ROBO1: variants seen among roughly 807,000 people sequenced by gnomAD.
The protein encoded by ROBO1 is roundabout homolog 1.
Under a neutral mutation model 195.9 loss-of-function variants are expected in ROBO1, and 149 were observed. The observed-to-expected ratio is 0.76, with a 90% confidence interval of 0.67 to 0.87. ROBO1 has a LOEUF of 0.87. ROBO1 is among the 40% of genes least tolerant of loss of function. ROBO1 has a pLI of 0.00. For missense variants in ROBO1, 1,933 were observed against 2,068.3 expected, an observed-to-expected ratio of 0.93 and a Z score of 1.27; for synonymous variants, 816 against 733.2, an observed-to-expected ratio of 1.11 and a Z score of -1.82.
At chr3:79,676,147 C>T (rs1433781952) in intron 1 of ROBO1, among the ~76,000 whole-genome samples, 1 of 151,974 alleles carries the variant, frequency 6.6e-6, no homozygotes, top group Non-Finnish European at 1.5e-5. Context: ...CTCCTACAGA[C>T]TAAATCCCAT....
chr3:78,982,888 G>A (rs948406587), intron 3 of ROBO1, among the ~76,000 whole-genome samples: 2 of 152,012 alleles, frequency 1.3e-5, no homozygotes, highest in Admixed American at 1.3e-4. Context: ...CAAAGTGTTG[G>A]GATTACAGGT....
chr3:79,244,630 G>A (rs2082588942), intron 2 of ROBO1, among the ~76,000 whole-genome samples: 1 of 152,064 alleles, frequency 6.6e-6, no homozygotes, highest in African/African-American at 2.4e-5. Context: ...CGGTACACCT[G>A]TGGTTAAAGT....
At chr3:79,015,869 T>C (rs1411250921) in intron 3 of ROBO1, among the ~76,000 whole-genome samples, 2 of 152,116 alleles carry the variant, frequency 1.3e-5, no homozygotes, top group Non-Finnish European at 2.9e-5. Flanking sequence ...AGAAAACTGT[T>C]GGACTTTGTT....
Position 79,058,600 on chromosome 3 carries a change from G to A in ROBO1, c.172+66856C>T, listed in dbSNP as rs6548611. Reference sequence around the variant, plus strand: ...CCTCCAACCTGACTGTTCCCATACAGAGTTGTGTTAAGCCTCCTCACATGC... The same window carrying A: ...CCTCCAACCTGACTGTTCCCATACAAAGTTGTGTTAAGCCTCCTCACATGC... On this transcript the variant is annotated intron_variant, in intron 3 of 30. Transcript: ENST00000464233. 2.1e-3 allele frequency among the ~76,000 whole-genome samples: 315 copies of A among 152,162 alleles called. 2 individuals are homozygous for A. The highest frequency in any genetic ancestry group is 0.01 in the Middle Eastern group (3 of 294).
chr3:79,067,184 T>G (rs1337014827), intron 3 of ROBO1, among the ~76,000 whole-genome samples: 1 of 151,986 alleles, frequency 6.6e-6, no homozygotes, highest in African/African-American at 2.4e-5. Flanking sequence ...TGTCTCATGA[T>G]TTTAAGGAGC....
At chr3:79,133,508 T>C (rs1173973296) in intron 2 of ROBO1, among the ~76,000 whole-genome samples, 2 of 99,878 alleles carry the variant, frequency 2.0e-5, no homozygotes, top group Non-Finnish European at 3.9e-5. Context: ...CTTCACATAG[T>C]TCTCGAGCCT....
rs2083594795 is a variant in ROBO1, at chr3:78,779,163, ATG to A, written c.500-32265_500-32264del. Among the ~76,000 whole-genome samples, 3 of 152,182 alleles carry A rather than the reference ATG, an allele frequency of 2.0e-5. No individual in the cohort carries two copies. The South Asian group carries it at 6.2e-4, about 31-fold the overall frequency. On this transcript the variant is annotated intron_variant, in intron 4 of 30. Transcript: ENST00000464233. ...AAAACCATAAAAACCCTAGAAGAAAATGCAGGCAATACCATTCAGGACATAGG... is the reference window on the plus strand; with the variant it reads ...AAAACCATAAAAACCCTAGAAGAAAACAGGCAATACCATTCAGGACATAGG...
chr3:79,698,917 G>T (rs1281413122), intron 1 of ROBO1, among the ~76,000 whole-genome samples: 4 of 151,062 alleles, frequency 2.6e-5, no homozygotes. Context: ...AGTTTTTTTT[G>T]ACCTCTCTAA....
chr3:79,064,453 CTAA>C (rs1230485451), intron 3 of ROBO1, among the ~76,000 whole-genome samples: 2 of 151,924 alleles, frequency 1.3e-5, no homozygotes, highest in African/African-American at 2.4e-5. Flanking sequence ...ACAAGTCTCT[CTAA>C]TGTTTTTCCT....
intron 1 of ROBO1, among the ~76,000 whole-genome samples, chr3:79,765,315 G>A (rs1036285926): frequency 3.9e-5 from 6 of 152,180 alleles, no homozygotes; most frequent in African/African-American, 1.4e-4. Flanking sequence ...GAGAGGTATA[G>A]GTCCATAAGA....
chr3:79,698,673 C>G (rs1053071110), intron 1 of ROBO1, among the ~76,000 whole-genome samples: 3 of 151,518 alleles, frequency 2.0e-5, no homozygotes, highest in Admixed American at 6.6e-5. Flanking sequence ...TAAGAAGTTA[C>G]TTAATTCAAT....
chr3:78,677,082 A>G (rs1708481560), intron 10 of ROBO1, among the ~76,000 whole-genome samples: 2 of 152,194 alleles, frequency 1.3e-5, no homozygotes, highest in Non-Finnish European at 1.5e-5. Flanking sequence ...ACTAAGCTTC[A>G]TAAGTGAAGG....
chr3:79,573,216 T>C (rs1400155442), intron 2 of ROBO1, among the ~76,000 whole-genome samples: 1 of 151,882 alleles, frequency 6.6e-6, no homozygotes, highest in Non-Finnish European at 1.5e-5. Flanking sequence ...GGCTGGAAAA[T>C]TTTTAAATAT....
intron 2 of ROBO1, among the ~76,000 whole-genome samples, chr3:79,545,917 T>C (rs1942246472): frequency 6.6e-6 from 1 of 152,136 alleles, no homozygotes; most frequent in African/African-American, 2.4e-5. Flanking sequence ...TTGATGAACA[T>C]GGGTTTGAAT....
At chr3:79,724,283 T>C (rs1007229758) in intron 1 of ROBO1, among the ~76,000 whole-genome samples, 13 of 152,206 alleles carry the variant, frequency 8.5e-5, no homozygotes, top group African/African-American at 3.1e-4. Flanking sequence ...GGCTAAAACA[T>C]AGTCAATTAA....
intron 2 of ROBO1, among the ~76,000 whole-genome samples, chr3:79,268,668 C>T (rs564631830): frequency 3.6e-4 from 55 of 151,668 alleles, no homozygotes; most frequent in Admixed American, 2.1e-3. Context: ...CTTCCATATC[C>T]GTTTGGTGGA....
chr3:79,568,544 C>G (rs1235002215), intron 2 of ROBO1, among the ~76,000 whole-genome samples: 3 of 144,738 alleles, frequency 2.1e-5, no homozygotes, highest in Admixed American at 6.9e-5. Flanking sequence ...CTTGCCTTCT[C>G]TTTGTCTCAT....
At chr3:79,299,575 A>G (rs778596670) in intron 2 of ROBO1, among the ~76,000 whole-genome samples, 26 of 152,202 alleles carry the variant, frequency 1.7e-4, no homozygotes, top group Admixed American at 8.5e-4. Flanking sequence ...ATGAGATTTG[A>G]AAATAAAGAT....
At chr3:79,398,231 G>A (rs369058637) in intron 2 of ROBO1, among the ~76,000 whole-genome samples, 2 of 152,096 alleles carry the variant, frequency 1.3e-5, no homozygotes, top group East Asian at 3.9e-4. Flanking sequence ...AAATACATAT[G>A]TAATAAGCTA....
Sources: allele counts gnomAD v4.1 joint callset (sites outside exome capture counted in the v4.1 genomes callset), GRCh38; gene constraint gnomAD v4.1.1; transcripts MANE v1.5; gene names NCBI Gene and HGNC (gene_info 2026-07-23, HGNC 2026-07-21).